Variants in ASTN2 observed in about 807,000 individuals in gnomAD.
ASTN2 encodes astrotactin 2, also known as astrotactin-2.
Under a neutral mutation model 139.8 loss-of-function variants are expected in ASTN2, and 54 were observed. The ratio of observed to expected loss-of-function variants is 0.39; its 90% confidence interval spans 0.31 to 0.48. The LOEUF (loss-of-function observed/expected upper bound fraction) is 0.48, where lower values mean the gene tolerates loss of function less well. Among genes scored for constraint, ASTN2 ranks in the 20% least tolerant of loss-of-function variants. The pLI, the probability that ASTN2 is intolerant of heterozygous loss-of-function variation, is 0.95. For missense variants in ASTN2, 1,565 were observed against 1,725.1 expected, an observed-to-expected ratio of 0.91 and a Z score of 1.64; for synonymous variants, 756 against 719.5, an observed-to-expected ratio of 1.05 and a Z score of -0.81.
At chr9:117,219,513 G>T (rs184476940) in intron 2 of ASTN2, among the ~76,000 whole-genome samples, 1 of 152,168 alleles carries the variant, frequency 6.6e-6, no homozygotes, top group East Asian at 1.9e-4. Context: ...CCTCAGGGAC[G>T]ATCTGATGCC....
chr9:116,812,147 A>G (rs1831183386), intron 12 of ASTN2, among the ~76,000 whole-genome samples: 2 of 152,166 alleles, frequency 1.3e-5, no homozygotes, highest in Admixed American at 1.3e-4. Flanking sequence ...GTTTAGTGGA[A>G]TGCTTTTGTA....
At chr9:116,498,037 GC>G (rs1220600103) in intron 19 of ASTN2, among the ~76,000 whole-genome samples, 2 of 152,106 alleles carry the variant, frequency 1.3e-5, no homozygotes, top group Non-Finnish European at 1.5e-5. Flanking sequence ...GGCCCTAGGA[GC>G]CCCTCTGTCC....
intron 22 of ASTN2, among the ~76,000 whole-genome samples, chr9:116,427,834 C>T (rs1001696074): frequency 2.0e-5 from 3 of 151,916 alleles, no homozygotes; most frequent in African/African-American, 7.3e-5. Flanking sequence ...CGGGCAAGTG[C>T]CCCCCCCAAG....
intron 19 of ASTN2, among the ~76,000 whole-genome samples, chr9:116,553,191 C>T (rs562627655): frequency 7.5e-4 from 114 of 152,130 alleles, no homozygotes; most frequent in African/African-American, 2.6e-3. Context: ...GACCTGCAGA[C>T]GTGCCAGGGA....
In ASTN2 at chr9:116,806,719, A is replaced by C. The variant is rs1217069027; in HGVS notation, c.2208-899T>G. ...AACTTCTATGATCCCCAGTTTCCTC[A>C]TGTGTAAAATAGAGTAGACACTTCT... On this transcript the variant is annotated intron_variant, in intron 12 of 22. Transcript: ENST00000313400. Among the ~76,000 whole-genome samples the C allele has an allele frequency of 3.3e-5, 5 of 152,304 alleles. No homozygotes were observed. The East Asian group carries it at 7.7e-4, about 24-fold the overall frequency.
At chr9:116,938,891 C>T (rs1311778936) in intron 10 of ASTN2, among the ~76,000 whole-genome samples, 2 of 152,146 alleles carry the variant, frequency 1.3e-5, no homozygotes, top group African/African-American at 4.8e-5. Context: ...GTCTTATTTC[C>T]ACAATTTAAC....
rs139774568 is a variant in ASTN2, at chr9:117,397,860, A to G, written c.442+16637T>C. 8.5e-5 allele frequency among the ~76,000 whole-genome samples: 13 copies of G among 152,260 alleles called. No individual in the cohort carries two copies. In the East Asian group the frequency reaches 1.4e-3, roughly 16 times the overall value. ...TGAGAAGTTTAACGAAGAAGAAGAG[A>G]AGCACTGATTTAGCAATCATGTCAA... On this transcript the variant is annotated intron_variant, in intron 1 of 22. Coordinates refer to ENST00000313400, the MANE Select transcript of ASTN2 (RefSeq NM_001365068.1).
intron 10 of ASTN2, among the ~76,000 whole-genome samples, chr9:116,958,356 C>T (rs746784665): frequency 1.3e-5 from 2 of 151,946 alleles, no homozygotes; most frequent in Non-Finnish European, 2.9e-5. Flanking sequence ...TTTGAGAGGC[C>T]GAGGTGGGCA....
intron 2 of ASTN2, among the ~76,000 whole-genome samples, chr9:117,239,590 C>G (rs543655515): frequency 6.6e-6 from 1 of 152,212 alleles, no homozygotes; most frequent in African/African-American, 2.4e-5. Context: ...GATAACCCCC[C>G]TCCATCCCAT....
intron 1 of ASTN2, among the ~76,000 whole-genome samples, chr9:117,365,782 ATCTGAGC>A (rs1032155760): frequency 3.3e-5 from 5 of 152,234 alleles, no homozygotes; most frequent in Non-Finnish European, 7.3e-5. Context: ...CCCCAGGAGC[ATCTGAGC>A]TTTGCCAAGG....
At chr9:116,515,380 G>T (rs377262079) in intron 19 of ASTN2, among the ~76,000 whole-genome samples, 6 of 152,104 alleles carry the variant, frequency 3.9e-5, no homozygotes, top group African/African-American at 1.4e-4. Flanking sequence ...TTCTAAGAAT[G>T]GTTTCCTCTC....
rs145202780 is a variant in ASTN2, at chr9:116,651,575, G to A, written c.3025C>T (p.Arg1009Cys). The A allele has an allele frequency of 1.2e-5, 19 of 1,614,146 alleles. No homozygotes were observed. The highest frequency in any genetic ancestry group is 1.4e-5 in the Non-Finnish European group (17 of 1,180,028). ...ATGAGGGTATAAAGTGGCACCACAC[G>A]GTTGATTTCCAGCAGCACTGGTGTG... is the stretch of plus-strand genomic sequence containing the variant. ...SPTPVLLEIN[R>C]VVPLYTLIQD... Residue 1009 changes from arginine to cysteine, a missense_variant, in exon 17 of 23, where the codon CGT becomes TGT. Arg to Cys is a radical substitution (Grantham distance 180). Around this residue, in one of 4 missense-constraint regions of ASTN2, gnomAD observed 418 missense variants for 465.8 expected, o/e 0.90. Coordinates refer to ENST00000313400, the MANE Select transcript of ASTN2 (RefSeq NM_001365068.1).
At chr9:117,244,711 G>T (rs1220432582) in intron 2 of ASTN2, among the ~76,000 whole-genome samples, 1 of 140,268 alleles carries the variant, frequency 7.1e-6, no homozygotes, top group East Asian at 2.3e-4. Context: ...GAGAAAGGAA[G>T]GAGAAAGGGA....
At chr9:117,136,656 G>T (rs779793100) in intron 4 of ASTN2, among the ~76,000 whole-genome samples, 2 of 152,138 alleles carry the variant, frequency 1.3e-5, no homozygotes, top group African/African-American at 4.8e-5. Context: ...CGGTGCCAAC[G>T]CTGCTGCAGG....
At chr9:116,776,776 C>A (rs559451968) in intron 13 of ASTN2, among the ~76,000 whole-genome samples, 2 of 152,172 alleles carry the variant, frequency 1.3e-5, no homozygotes, top group Admixed American at 1.3e-4. Context: ...AGTAAGTAAT[C>A]CTGAAAATCA....
At chr9:116,628,764 T>C (rs1197537760) in intron 17 of ASTN2, among the ~76,000 whole-genome samples, 1 of 152,240 alleles carries the variant, frequency 6.6e-6, no homozygotes, top group African/African-American at 2.4e-5. Flanking sequence ...GGTTCACTGA[T>C]TGTGGCAAAT....
chr9:116,655,281 T>C (rs1858145787), intron 16 of ASTN2, among the ~76,000 whole-genome samples: 1 of 152,240 alleles, frequency 6.6e-6, no homozygotes, highest in East Asian at 1.9e-4. Flanking sequence ...CAAAAGCTAA[T>C]TGCTTCTGAT....
intron 19 of ASTN2, among the ~76,000 whole-genome samples, chr9:116,514,983 G>A (rs1040292740): frequency 1.3e-5 from 2 of 152,006 alleles, no homozygotes; most frequent in African/African-American, 2.4e-5. Flanking sequence ...GCTCACGCTT[G>A]GTGTGCTGCA....
At chr9:117,250,799 G>A (rs1174820300) in intron 2 of ASTN2, among the ~76,000 whole-genome samples, 1 of 152,182 alleles carries the variant, frequency 6.6e-6, no homozygotes, top group Non-Finnish European at 1.5e-5. Flanking sequence ...ACTGAGAGAA[G>A]CATATGGGAG....
Sources: gnomAD v4.1 joint callset for allele counts (sites outside exome capture counted in the v4.1 genomes callset) on GRCh38, gnomAD v4.1.1 for gene constraint, gnomAD v4.1.1 regional missense constraint, MANE v1.5 for transcripts, NCBI Gene and HGNC (gene_info 2026-07-23, HGNC 2026-07-21) for gene names.